ETV1: variants seen among roughly 807,000 people sequenced by gnomAD.
The protein encoded by ETV1 is ETS variant transcription factor 1.
ETV1 carries 27 observed loss-of-function variants against 62.3 expected under a neutral mutation model. The observed-to-expected ratio is 0.43, with a 90% CI of 0.32 to 0.60. The LOEUF (loss-of-function observed/expected upper bound fraction) is 0.60. ETV1 is among the 20% of genes least tolerant of loss of function. ETV1 has a pLI of 0.06. For synonymous variants in ETV1, 222 were observed against 199.6 expected (o/e 1.11, Z -0.94); for missense variants, 605 against 605.8 (o/e 1.00, Z 0.01).
intron 6 of ETV1, among the ~76,000 whole-genome samples, chr7:13,955,303 G>C (rs1475852456): frequency 1.3e-5 from 2 of 152,106 alleles, no homozygotes; most frequent in African/African-American, 4.8e-5. Context: ...TCATTTAACT[G>C]TATGAGATTA....
At chr7:13,922,337 C>A (rs186010733) in intron 9 of ETV1, among the ~76,000 whole-genome samples, 1 of 151,318 alleles carries the variant, frequency 6.6e-6, no homozygotes, top group East Asian at 1.9e-4. Flanking sequence ...TAGAAAAATA[C>A]TATTCTACTT....
intron 9 of ETV1, among the ~76,000 whole-genome samples, chr7:13,931,146 T>G (rs1786095907): frequency 6.6e-6 from 1 of 152,192 alleles, no homozygotes; most frequent in African/African-American, 2.4e-5. Flanking sequence ...TATTACTTTC[T>G]GTAAACATTT....
chr7:13,963,817 A>G (rs949130556), intron 6 of ETV1, among the ~76,000 whole-genome samples: 5 of 152,202 alleles, frequency 3.3e-5, no homozygotes, highest in Non-Finnish European at 5.9e-5. Context: ...AAAAGCCAAA[A>G]GCCCACATTT....
chr7:13,936,966 C>T (rs552736576), intron 7 of ETV1, among the ~76,000 whole-genome samples: 32 of 152,182 alleles, frequency 2.1e-4, no homozygotes, highest in African/African-American at 7.0e-4. Context: ...CGCTTGAACT[C>T]GGGAGGCAGA....
intron 6 of ETV1, among the ~76,000 whole-genome samples, chr7:13,965,537 G>A (rs1299452950): frequency 6.6e-6 from 1 of 152,038 alleles, no homozygotes; most frequent in African/African-American, 2.4e-5. Context: ...GATCTGCATA[G>A]ACTAAGCAAC....
At chr7:13,909,753 C>G (rs368456966) in intron 10 of ETV1, 53 bp from the exon 11 acceptor site, 100 of 1,400,204 alleles carry the variant, frequency 7.1e-5, no homozygotes, top group East Asian at 2.3e-5. Context: ...AGCTCACAAA[C>G]ACTTAAAATA....
chr7:13,955,518 T>G (rs937067830), intron 6 of ETV1, among the ~76,000 whole-genome samples: 2 of 152,072 alleles, frequency 1.3e-5, no homozygotes, highest in Non-Finnish European at 2.9e-5. Flanking sequence ...ACCCAGCCAT[T>G]GCCAATACAA....
intron 5 of ETV1, among the ~76,000 whole-genome samples, chr7:13,979,496 G>T (rs575334883): frequency 1.3e-5 from 2 of 151,482 alleles, no homozygotes. Flanking sequence ...AAATTACAAG[G>T]CGAAGGGTGT....
intron 6 of ETV1, among the ~76,000 whole-genome samples, chr7:13,969,789 A>G (rs1231765548): frequency 6.6e-6 from 1 of 152,226 alleles, no homozygotes; most frequent in African/African-American, 2.4e-5. Context: ...ATAGGACAAC[A>G]GGTAAAATCT....
intron 11 of ETV1, chr7:13,907,780 T>G: frequency 2.1e-6 from 1 of 466,926 alleles, no homozygotes; most frequent in Non-Finnish European, 4.4e-6. Flanking sequence ...ATTGCACACT[T>G]TCTAAAACTT....
chr7:13,956,590 T>C (rs1040693951), intron 6 of ETV1, among the ~76,000 whole-genome samples: 4 of 152,234 alleles, frequency 2.6e-5, no homozygotes, highest in Non-Finnish European at 5.9e-5. Context: ...AAGCATAAAA[T>C]GTAGAGCGTA....
chr7:13,915,856 T>G (rs971345198), intron 9 of ETV1, among the ~76,000 whole-genome samples: 4 of 152,186 alleles, frequency 2.6e-5, no homozygotes, highest in African/African-American at 7.2e-5. Context: ...TGAATTCATG[T>G]GAGAATGATA....
intron 12 of ETV1, among the ~76,000 whole-genome samples, chr7:13,901,087 C>T (rs375899530): frequency 4.2e-4 from 63 of 151,662 alleles, no homozygotes; most frequent in African/African-American, 1.4e-3. Flanking sequence ...TCACTGCAAC[C>T]TCCGCCTCCT....
Position 13,891,322 on chromosome 7 carries a change from A to G in ETV1, c.*4544T>C. The G allele has an allele frequency of 4.3e-6, 1 of 230,704 alleles. No individual in the cohort carries two copies. Among genetic ancestry groups the G allele is most frequent in the Non-Finnish European group, 8.6e-6 (1 of 116,568 alleles). The allele number at this position is 230,704 out of a possible 1,614,324, so 14.3% of individuals were successfully genotyped here. A position where few individuals can be genotyped will look rare whatever the true frequency, so the allele number is the denominator to read the frequency against. The stretch of plus-strand genomic sequence containing the variant: ...TTCATAGCATGTTTTCTCAAACCGT[A>G]AGTATAATTTTAATACAACCAAGTG... On this transcript the variant is annotated 3_prime_UTR_variant, in exon 14 of 14. Transcript: ENST00000430479.
intron 9 of ETV1, among the ~76,000 whole-genome samples, chr7:13,928,590 G>C (rs1251206433): frequency 1.3e-5 from 2 of 151,988 alleles, no homozygotes; most frequent in Admixed American, 1.3e-4. Flanking sequence ...CTCCAGCCTG[G>C]CAACAGAGCG....
chr7:13,967,257 CA>C (rs1191931218), intron 6 of ETV1, among the ~76,000 whole-genome samples: 1 of 152,038 alleles, frequency 6.6e-6, no homozygotes, highest in African/African-American at 2.4e-5. Context: ...AAAAACTAGT[CA>C]AAACAGGACT....
upstream of ETV1, chr7:13,989,761 C>T: frequency 2.5e-6 from 1 of 396,900 alleles, no homozygotes; most frequent in Non-Finnish European, 4.4e-6. Flanking sequence ...CTCCGCGTCT[C>T]TTTCACAAGA....
intron 6 of ETV1, among the ~76,000 whole-genome samples, chr7:13,941,638 A>G (rs12538878): frequency 0.31 from 46,861 of 151,924 alleles, 7,674 homozygotes; most frequent in East Asian, 0.43. Flanking sequence ...TGGGAGGTCA[A>G]TGTGGGGAGA....
intron 12 of ETV1, among the ~76,000 whole-genome samples, chr7:13,901,154 C>T (rs1319411448): frequency 6.6e-6 from 1 of 151,836 alleles, no homozygotes; most frequent in East Asian, 1.9e-4. Context: ...ACAGGTGGGC[C>T]CCACCACGCC....
Sources: allele counts gnomAD v4.1 joint callset (sites outside exome capture counted in the v4.1 genomes callset), GRCh38; gene constraint gnomAD v4.1.1; transcripts MANE v1.5; gene names NCBI Gene and HGNC (gene_info 2026-07-23, HGNC 2026-07-21).